The following XPO4 variants were observed in gnomAD, a reference collection of about 807,000 sequenced individuals.
XPO4 encodes exportin-4.
A neutral mutation model predicts 143.0 loss-of-function variants in XPO4; 39 were observed. That is an observed-to-expected ratio of 0.27 (90% confidence interval 0.21 to 0.36). The LOEUF (loss-of-function observed/expected upper bound fraction) is 0.36. Ranked by LOEUF, XPO4 falls within the 10% of genes least tolerant of loss-of-function variation. The probability of loss-of-function intolerance (pLI) is 1.00; values close to 1 mark genes in which losing one functional copy is unlikely to be tolerated. For missense variants in XPO4, 907 were observed against 1,348.0 expected (o/e 0.67, Z 5.12); for synonymous variants, 439 against 474.0 (o/e 0.93, Z 0.96).
intron 1 of XPO4, among the ~76,000 whole-genome samples, chr13:20,870,814 G>GT (rs1566618291): frequency 6.6e-6 from 1 of 151,812 alleles, no homozygotes; most frequent in Non-Finnish European, 1.5e-5. Flanking sequence ...TGCTTTTTGT[G>GT]TTTTTTGTCT....
chr13:20,869,335 T>A (rs1201189555), intron 1 of XPO4, among the ~76,000 whole-genome samples: 1 of 152,222 alleles, frequency 6.6e-6, no homozygotes, highest in Non-Finnish European at 1.5e-5. Context: ...AAATACCATT[T>A]TGGTGTTAAC....
At chr13:20,823,571 T>G (rs573572642) in intron 7 of XPO4, among the ~76,000 whole-genome samples, 140 of 151,202 alleles carry the variant, frequency 9.3e-4, no homozygotes, top group Admixed American at 4.2e-3. Flanking sequence ...ATGGTTGTGT[T>G]TTTTTCTTTT....
At chr13:20,853,350 A>AAAAAAAT (rs1222024058) in intron 4 of XPO4, among the ~76,000 whole-genome samples, 1 of 151,084 alleles carries the variant, frequency 6.6e-6, no homozygotes, top group Non-Finnish European at 1.5e-5. Context: ...AAAAAAAAAA[A>AAAAAAAT]AATAGCTTCC....
At chr13:20,795,238 A>AT (rs2059342051) in intron 18 of XPO4, among the ~76,000 whole-genome samples, 1 of 152,208 alleles carries the variant, frequency 6.6e-6, no homozygotes, top group Admixed American at 6.5e-5. Context: ...AACAGGATCC[A>AT]TTTTGTTTGA....
At chr13:20,813,203 C>T (rs144264047) in intron 9 of XPO4, among the ~76,000 whole-genome samples, 202 of 152,246 alleles carry the variant, frequency 1.3e-3, no homozygotes, top group Admixed American at 9.2e-3. Context: ...ACCAGGTCCC[C>T]GCCCCTGGCA....
At chr13:20,880,336 G>T (rs2060395663) in intron 1 of XPO4, among the ~76,000 whole-genome samples, 1 of 152,144 alleles carries the variant, frequency 6.6e-6, no homozygotes, top group African/African-American at 2.4e-5. Flanking sequence ...GGAAGCTGAG[G>T]CAGGAGAATT....
At chr13:20,818,077 A>G (rs1486112399) in intron 9 of XPO4, among the ~76,000 whole-genome samples, 3 of 152,184 alleles carry the variant, frequency 2.0e-5, no homozygotes, top group African/African-American at 7.2e-5. Context: ...TGAGCCACCA[A>G]GCCCAGCAGG....
chr13:20,893,763 T>C (rs1391428963), intron 1 of XPO4, among the ~76,000 whole-genome samples: 1 of 145,154 alleles, frequency 6.9e-6, no homozygotes, highest in Non-Finnish European at 1.5e-5. Flanking sequence ...TGAGACTCTG[T>C]CTCAAAAAAA....
Position 20,778,524 on chromosome 13 carries a change from T to TA in XPO4, c.*5197dup, listed in dbSNP as rs1380509866. On this transcript the variant is annotated 3_prime_UTR_variant, in exon 23 of 23. Transcript: ENST00000255305. ...TGAAAGGCCAAAAAGAATGACTTGC[T>TA]AAAAGTATTTACTAAATATGCACCA... 7 of 152,332 alleles carry TA rather than the reference T, an allele frequency of 4.6e-5. No individual in the cohort carries two copies. The highest frequency in any genetic ancestry group is 1.4e-4 in the African/African-American group (6 of 41,588). The allele number at this position is 152,332 out of a possible 1,614,324, so 9.4% of individuals were successfully genotyped here.
At chr13:20,856,684 G>A (rs1441912041) in intron 3 of XPO4, 5 of 231,012 alleles carry the variant, frequency 2.2e-5, no homozygotes, top group Non-Finnish European at 3.6e-5. Context: ...AAGTGTCCCA[G>A]TTTGGAGACC....
At chr13:20,837,494 C>A (rs975014485) in intron 6 of XPO4, among the ~76,000 whole-genome samples, 1 of 152,022 alleles carries the variant, frequency 6.6e-6, no homozygotes, top group Non-Finnish European at 1.5e-5. Context: ...CCACCTCTGA[C>A]CGCCGGGTTC....
At chr13:20,817,630 C>A (rs2137935621) in intron 9 of XPO4, among the ~76,000 whole-genome samples, 1 of 152,276 alleles carries the variant, frequency 6.6e-6, no homozygotes, top group African/African-American at 2.4e-5. Context: ...GCTTCACCTA[C>A]TTGGCTGAAC....
intron 9 of XPO4, among the ~76,000 whole-genome samples, chr13:20,818,549 T>A (rs1332710428): frequency 1.3e-5 from 2 of 152,184 alleles, no homozygotes; most frequent in African/African-American, 4.8e-5. Flanking sequence ...TAAAACAAAG[T>A]CTTACATGTG....
At chr13:20,886,644 A>T (rs1342521647) in intron 1 of XPO4, among the ~76,000 whole-genome samples, 1 of 152,154 alleles carries the variant, frequency 6.6e-6, no homozygotes, top group Non-Finnish European at 1.5e-5. Flanking sequence ...ATAGTTTACA[A>T]TAAACAAAAA....
At chr13:20,892,021 T>TTTTTG (rs1402220724) in intron 1 of XPO4, among the ~76,000 whole-genome samples, 5 of 148,062 alleles carry the variant, frequency 3.4e-5, no homozygotes, top group Admixed American at 2.8e-4. Context: ...GACAAGTTTT[T>TTTTTG]TTTTGTTTTG....
intron 1 of XPO4, among the ~76,000 whole-genome samples, chr13:20,893,572 A>G (rs997688906): frequency 7.2e-5 from 11 of 152,042 alleles, no homozygotes; most frequent in Non-Finnish European, 1.2e-4. Flanking sequence ...ACTCCCTCAC[A>G]TGGTGAAACC....
rs559148477 is a variant in XPO4 at position 20,819,064 on chromosome 13, C to G, written c.1173+2640G>C. ...TCTCGAACTCCTGACCTCAGGCAATCCGCCTGCCTCAGTCTCCCAAAGTAC... is the reference window on the plus strand; with the variant it reads ...TCTCGAACTCCTGACCTCAGGCAATGCGCCTGCCTCAGTCTCCCAAAGTAC... On this transcript the variant is annotated intron_variant, in intron 9 of 22. Transcript: ENST00000255305. Among the ~76,000 whole-genome samples the G allele has an allele frequency of 2.0e-4, 31 of 152,306 alleles. No homozygotes were observed. The South Asian group carries it at 5.4e-3, about 26-fold the overall frequency.
chr13:20,872,552 G>A (rs1173790413), intron 1 of XPO4, among the ~76,000 whole-genome samples: 1 of 152,088 alleles, frequency 6.6e-6, no homozygotes. Flanking sequence ...ATTTTAGATA[G>A]ATACATACAC....
chr13:20,888,057 C>T (rs1346948865), intron 1 of XPO4, among the ~76,000 whole-genome samples: 1 of 151,530 alleles, frequency 6.6e-6, no homozygotes, highest in African/African-American at 2.4e-5. Flanking sequence ...CGCCTGTAAT[C>T]CCAGCTACTC....
Sources: gnomAD v4.1 joint callset for allele counts (sites outside exome capture counted in the v4.1 genomes callset) on GRCh38, gnomAD v4.1.1 for gene constraint, MANE v1.5 for transcripts, NCBI Gene and HGNC (gene_info 2026-07-23, HGNC 2026-07-21) for gene names.